ACTG2: variants seen among roughly 807,000 people sequenced by gnomAD.
ACTG2 encodes the protein actin gamma 2, smooth muscle, also known as actin, gamma-enteric smooth muscle.
Under a neutral mutation model 37.6 loss-of-function variants are expected in ACTG2, and 16 were observed. That is an observed-to-expected ratio of 0.43 (90% CI 0.29 to 0.65). ACTG2 has a LOEUF of 0.65. Among genes scored for constraint, ACTG2 ranks in the 30% least tolerant of loss-of-function variants. ACTG2 has a pLI of 0.18. For missense variants in ACTG2, 238 were observed against 490.9 expected, an observed-to-expected ratio of 0.48 and a Z score of 4.87; for synonymous variants, 181 against 179.9, an observed-to-expected ratio of 1.01 and a Z score of -0.05.
chr2:73,908,729 C>T lies in ACTG2; in HGVS notation c.312C>T (p.Thr104=), dbSNP rs369931831. ...GTGTAGCACCTGAAGAGCACCCCACCCTGCTCACAGAGGCTCCCCTAAATC... is the reference window on the plus strand; with the variant it reads ...GTGTAGCACCTGAAGAGCACCCCACTCTGCTCACAGAGGCTCCCCTAAATC... The part of the protein sequence containing the change: ...ELRVAPEEHP[T]LLTEAPLNPK... The change falls in exon 4 of 9, where the codon ACC becomes ACT. Residue 104 remains threonine (T), a synonymous_variant. Transcript: ENST00000345517. 1.2e-6 allele frequency: 2 copies of T among 1,614,068 alleles called. No individual in the cohort carries two copies. The highest frequency in any genetic ancestry group is 4.5e-5 in the East Asian group (2 of 44,890).
intron 1 of ACTG2, among the ~76,000 whole-genome samples, chr2:73,900,353 T>C (rs1368402631): frequency 6.6e-6 from 1 of 152,008 alleles, no homozygotes; most frequent in Non-Finnish European, 1.5e-5. Flanking sequence ...ATTTGTCAGA[T>C]GCTGTTTGTA....
intron 3 of ACTG2, among the ~76,000 whole-genome samples, chr2:73,906,382 C>T (rs1177368774): frequency 1.3e-5 from 2 of 151,926 alleles, no homozygotes; most frequent in South Asian, 2.1e-4. Flanking sequence ...ACCCGGGAGG[C>T]GGAGCTTGCA....
At chr2:73,915,587 A>G (rs1680249540) in intron 7 of ACTG2, among the ~76,000 whole-genome samples, 1 of 151,934 alleles carries the variant, frequency 6.6e-6, no homozygotes, top group Admixed American at 6.6e-5. Context: ...TTTGGCGTGC[A>G]GGACCTTTTG....
In ACTG2 at chr2:73,903,937, CT is replaced by C. The variant is rs1443257558; in HGVS notation, c.255+1450del. 1.1e-3 allele frequency among the ~76,000 whole-genome samples: 68 copies of C among 62,306 alleles called. 1 individual carries two copies. Among genetic ancestry groups the C allele is most frequent in the African/African-American group, 5.2e-3 (65 of 12,620 alleles). 40.9% of individuals were successfully genotyped at this position (62,306 alleles called of 152,430 possible). ...TGTGGGTGACAGAGTGAGACTCCGT[CT>C]CAAAAAAAAAAAAAAAAAAAACAAA... On this transcript the variant is annotated intron_variant, in intron 3 of 8. Coordinates refer to ENST00000345517, the MANE Select transcript of ACTG2 (RefSeq NM_001615.4).
chr2:73,917,759 A>T (rs1171437717), intron 8 of ACTG2, among the ~76,000 whole-genome samples: 1 of 152,192 alleles, frequency 6.6e-6, no homozygotes, highest in African/African-American at 2.4e-5. Context: ...AGAGAAATGG[A>T]GCAAACCAGC....
At chr2:73,910,958 C>G (rs1171431410) in intron 5 of ACTG2, among the ~76,000 whole-genome samples, 5 of 92,618 alleles carry the variant, frequency 5.4e-5, no homozygotes, top group Non-Finnish European at 8.0e-5. Flanking sequence ...TTGATAAAAA[C>G]TAAAATATAC....
chr2:73,906,921 G>A (rs1475620242), intron 3 of ACTG2, among the ~76,000 whole-genome samples: 1 of 152,194 alleles, frequency 6.6e-6, no homozygotes, highest in Non-Finnish European at 1.5e-5. Context: ...ATGATCCCAG[G>A]TGACTCTGAG....
chr2:73,911,395 G>T (rs1037889016), intron 5 of ACTG2, among the ~76,000 whole-genome samples: 5 of 152,050 alleles, frequency 3.3e-5, no homozygotes, highest in African/African-American at 1.2e-4. Context: ...TACTCGGTAG[G>T]CTGAAGCTGG....
In ACTG2 at chr2:73,903,007, A is replaced by G. The variant is rs530680752; in HGVS notation, c.255+519A>G. On this transcript the variant is annotated intron_variant, in intron 3 of 8. Coordinates refer to ENST00000345517, the MANE Select transcript of ACTG2 (RefSeq NM_001615.4). ...TATCTTCCCTGTCAAGACTTCACATAGGTGGACTGATGCTAGACTATGATG... is the reference window on the plus strand; with the variant it reads ...TATCTTCCCTGTCAAGACTTCACATGGGTGGACTGATGCTAGACTATGATG... 5 of 439,106 alleles carry G rather than the reference A, an allele frequency of 1.1e-5. No individual in the cohort carries two copies. In the East Asian group the frequency reaches 2.1e-4, roughly 18 times the overall value. 27.2% of individuals were successfully genotyped at this position (439,106 alleles called of 1,614,324 possible).
chr2:73,896,343 A>ACT (rs1558620062), intron 1 of ACTG2, among the ~76,000 whole-genome samples: 1 of 66,416 alleles, frequency 1.5e-5, no homozygotes, highest in African/African-American at 6.6e-5. Flanking sequence ...GAGGCCCAGT[A>ACT]TCTCAAAAAA....
chr2:73,902,297 C>G (rs1350172832), intron 2 of ACTG2, 63 bp from the exon 3 acceptor site: 19 of 1,574,410 alleles, frequency 1.2e-5, no homozygotes, highest in Non-Finnish European at 1.6e-5. Context: ...CCTTCCAGTG[C>G]CTGAATCCCT....
chr2:73,905,988 AAAC>A (rs1233805154), intron 3 of ACTG2, among the ~76,000 whole-genome samples: 2 of 151,436 alleles, frequency 1.3e-5, no homozygotes, highest in Non-Finnish European at 2.9e-5. Flanking sequence ...TTTGTTATAA[AAAC>A]AAATTTGAAC....
rs556218247 is a variant in ACTG2, at chr2:73,919,196, A to G, written c.988-236A>G. On this transcript the variant is annotated intron_variant, in intron 8 of 8. Coordinates refer to ENST00000345517, the MANE Select transcript of ACTG2 (RefSeq NM_001615.4). ...TTTGTGTTATGTCTGCTAATATCCCATTGGTCAAAGCAAACACAATGCCCA... is the reference window on the plus strand; with the variant it reads ...TTTGTGTTATGTCTGCTAATATCCCGTTGGTCAAAGCAAACACAATGCCCA... 6.6e-5 allele frequency among the ~76,000 whole-genome samples: 10 copies of G among 152,318 alleles called. No homozygotes were observed. The East Asian group carries it at 1.7e-3, about 26-fold the overall frequency.
rs372902508 is a variant in ACTG2 at position 73,902,398 on chromosome 2, G to C, written c.165G>C (p.Val55=). The part of the protein sequence containing the change: ...MVGMGQKDSY[V]GDEAQSKRGI... ...GAATGGGCCAGAAAGACAGCTATGT[G>C]GGGGATGAGGCTCAGAGCAAGCGAG... The change falls in exon 3 of 9, where the codon GTG becomes GTC. Residue 55 remains valine (V), a synonymous_variant. Coordinates refer to ENST00000345517, the MANE Select transcript of ACTG2 (RefSeq NM_001615.4). 1.9e-5 allele frequency: 30 copies of C among 1,613,810 alleles called. No homozygotes were observed. The highest frequency in any genetic ancestry group is 5.5e-5 in the South Asian group (5 of 91,050).
intron 5 of ACTG2, among the ~76,000 whole-genome samples, chr2:73,911,600 T>C (rs1257355315): frequency 6.6e-6 from 1 of 152,262 alleles, no homozygotes; most frequent in Non-Finnish European, 1.5e-5. Flanking sequence ...TGTACTTTTA[T>C]ACAGCTGGCA....
At chr2:73,906,076 C>CA (rs1419184031) in intron 3 of ACTG2, among the ~76,000 whole-genome samples, 21 of 151,220 alleles carry the variant, frequency 1.4e-4, no homozygotes, top group African/African-American at 5.1e-4. Context: ...TACATAAAGA[C>CA]AAAGGTTAGG....
chr2:73,901,321 G>A lies in ACTG2; in HGVS notation c.10G>A (p.Glu4Lys). 4 of 1,607,864 alleles carry A rather than the reference G, an allele frequency of 2.5e-6. No homozygotes were observed. The East Asian group carries it at 9.0e-5, about 36-fold the overall frequency. The change falls in exon 2 of 9, where the codon GAG (glutamate) becomes AAG (lysine). Residue 4 changes from glutamate to lysine, a missense_variant. Coordinates refer to ENST00000345517, the MANE Select transcript of ACTG2 (RefSeq NM_001615.4). Reference protein sequence around the residue: MCEEETTALVCDNG... With the variant: MCEKETTALVCDNG... Reference sequence around the variant, plus strand: ...CTCAGCCACACACACCATGTGTGAAGAGGAGACCACCGCGCTCGTGTGTGA... The same window carrying A: ...CTCAGCCACACACACCATGTGTGAAAAGGAGACCACCGCGCTCGTGTGTGA...
At chr2:73,906,005 G>C (rs182570049) in intron 3 of ACTG2, among the ~76,000 whole-genome samples, 1 of 150,434 alleles carries the variant, frequency 6.6e-6, no homozygotes. Flanking sequence ...TTTGAACATA[G>C]TATAATAATA....
chr2:73,919,705 A>G lies in ACTG2; in HGVS notation c.*130A>G, dbSNP rs551429474. On this transcript the variant is annotated 3_prime_UTR_variant, in exon 9 of 9. Transcript: ENST00000345517. ...TGGGCTATGTCTCATACACAGTGCT[A>G]AGGACTTTTCACACATTACTTTTAA... 4.5e-5 allele frequency: 47 copies of G among 1,040,550 alleles called. No individual in the cohort carries two copies. The highest frequency in any genetic ancestry group is 5.7e-5 in the Non-Finnish European group (42 of 736,990). 64.5% of individuals were successfully genotyped at this position (1,040,550 alleles called of 1,614,324 possible). A position where few individuals can be genotyped will look rare whatever the true frequency, so the allele number is the denominator to read the frequency against.
Sources: gnomAD v4.1 joint callset for allele counts (sites outside exome capture counted in the v4.1 genomes callset) on GRCh38, gnomAD v4.1.1 for gene constraint, MANE v1.5 for transcripts, NCBI Gene and HGNC (gene_info 2026-07-23, HGNC 2026-07-21) for gene names.